The following RASGEF1C variants were observed in gnomAD, a reference collection of about 807,000 sequenced individuals.
RASGEF1C encodes RasGEF domain family member 1C, also known as ras-GEF domain-containing family member 1C.
A neutral mutation model predicts 58.1 loss-of-function variants in RASGEF1C; 27 were observed. The ratio of observed to expected loss-of-function variants is 0.46; its 90% CI spans 0.34 to 0.64. The LOEUF (loss-of-function observed/expected upper bound fraction) is 0.64, where lower values mean the gene tolerates loss of function less well. RASGEF1C is among the 30% of genes least tolerant of loss of function. RASGEF1C has a pLI of 0.01. For missense variants in RASGEF1C, 502 were observed against 605.1 expected (o/e 0.83, Z 1.79); for synonymous variants, 243 against 246.3 (o/e 0.99, Z 0.13).
intron 1 of RASGEF1C, among the ~76,000 whole-genome samples, chr5:180,178,719 A>G (rs1767271362): frequency 6.6e-6 from 1 of 152,012 alleles, no homozygotes; most frequent in Non-Finnish European, 1.5e-5. Flanking sequence ...GGCTTTCATC[A>G]CCGGCTTTCC....
intron 12 of RASGEF1C, among the ~76,000 whole-genome samples, chr5:180,108,338 A>G (rs1765902607): frequency 6.6e-6 from 1 of 151,430 alleles, no homozygotes. Context: ...AGTAGTTGGG[A>G]CTACAGGTGC....
chr5:180,185,124 C>T (rs1294227352), intron 1 of RASGEF1C, among the ~76,000 whole-genome samples: 1 of 151,850 alleles, frequency 6.6e-6, no homozygotes, highest in Admixed American at 6.6e-5. Context: ...AACCCCATCT[C>T]TACTAAAAAT....
chr5:180,106,440 G>C (rs4700869), intron 12 of RASGEF1C, among the ~76,000 whole-genome samples: 120,795 of 151,994 alleles, frequency 0.79, 48,091 homozygotes, highest in South Asian at 0.93. Context: ...GATTTCCTCT[G>C]AGTCCTGCTT....
rs756098873 is a variant in RASGEF1C at position 180,102,125 on chromosome 5, T to C, written c.1322A>G (p.Tyr441Cys). 6.3e-7 allele frequency: 1 copy of C among 1,586,554 alleles called. No homozygotes were observed. The highest frequency in any genetic ancestry group is 1.1e-5 in the South Asian group (1 of 90,350). The change falls in exon 13 of 14, where the codon TAC becomes TGC. Residue 441 changes from tyrosine to cysteine, a missense_variant. Coordinates refer to ENST00000361132, the MANE Select transcript of RASGEF1C (RefSeq NM_175062.4). ...FSEDGLYLASYESESPENQTE... is the reference protein window; with the variant it reads ...FSEDGLYLASCESESPENQTE... ...TTGGTTCTCTGGGCTCTCACTTTCG[T>C]AAGAAGCCAAATAAAGACCTAGACA...
intron 10 of RASGEF1C, among the ~76,000 whole-genome samples, chr5:180,118,331 G>T (rs912452198): frequency 6.6e-6 from 1 of 151,240 alleles, no homozygotes; most frequent in African/African-American, 2.5e-5. Context: ...AGCAGAAGAC[G>T]AAGTGGCCTC....
intron 1 of RASGEF1C, among the ~76,000 whole-genome samples, chr5:180,199,775 C>T (rs555300413): frequency 6.7e-6 from 1 of 149,926 alleles, no homozygotes; most frequent in Non-Finnish European, 1.5e-5. Flanking sequence ...AGCGATTCTC[C>T]CACCACAGCC....
intron 1 of RASGEF1C, among the ~76,000 whole-genome samples, chr5:180,188,418 C>T (rs1023134648): frequency 6.6e-6 from 1 of 152,138 alleles, no homozygotes; most frequent in Non-Finnish European, 1.5e-5. Flanking sequence ...AGTTACAGAA[C>T]CTTTGCAATT....
At chr5:180,174,486 G>GCA (rs1767180656) in intron 1 of RASGEF1C, among the ~76,000 whole-genome samples, 1 of 102,562 alleles carries the variant, frequency 9.8e-6, no homozygotes, top group Non-Finnish European at 2.0e-5. Flanking sequence ...GTGTCTGTGT[G>GCA]TGCGCGTGTG....
intron 1 of RASGEF1C, among the ~76,000 whole-genome samples, chr5:180,144,193 A>G (rs1385633410): frequency 6.6e-6 from 1 of 152,180 alleles, no homozygotes; most frequent in Admixed American, 6.5e-5. Context: ...GTGTGTGCCA[A>G]AAAGACTTGC....
intron 11 of RASGEF1C, among the ~76,000 whole-genome samples, chr5:180,113,710 A>C (rs1187502215): frequency 1.5e-5 from 2 of 135,694 alleles, no homozygotes; most frequent in South Asian, 2.5e-4. Context: ...GGGATCGGGG[A>C]TGGATGGAGG....
At chr5:180,170,110 C>G (rs916779389) in intron 1 of RASGEF1C, among the ~76,000 whole-genome samples, 1 of 152,246 alleles carries the variant, frequency 6.6e-6, no homozygotes, top group Non-Finnish European at 1.5e-5. Context: ...CTTGCCTGTT[C>G]CTGCTCGCGG....
At chr5:180,134,785 C>T (rs1766439588) in intron 4 of RASGEF1C, among the ~76,000 whole-genome samples, 1 of 148,408 alleles carries the variant, frequency 6.7e-6, no homozygotes, top group Non-Finnish European at 1.5e-5. Flanking sequence ...GACCCCCAAC[C>T]CCCCAACAGA....
chr5:180,136,721 T>C (rs1010279020), intron 3 of RASGEF1C: 4 of 581,002 alleles, frequency 6.9e-6, no homozygotes, highest in Non-Finnish European at 1.2e-5. Flanking sequence ...GGGCCATCTC[T>C]TGCTCTGGCC....
chr5:180,113,144 TGGAGGGATCTGGGCTGGAC>T (rs1165056210), intron 11 of RASGEF1C, among the ~76,000 whole-genome samples: 2 of 37,020 alleles, frequency 5.4e-5, no homozygotes, highest in African/African-American at 1.1e-4. Context: ...CGAGGATGGA[TGGAGGGATCTGGGCTGGAC>T]GGAGGGACCG....
In RASGEF1C at chr5:180,170,093, G is replaced by A. The variant is rs368451616; in HGVS notation, c.-6-32035C>T. 5.3e-5 allele frequency among the ~76,000 whole-genome samples: 8 copies of A among 152,334 alleles called. No individual in the cohort carries two copies. In the East Asian group the frequency reaches 7.7e-4, roughly 15 times the overall value. On this transcript the variant is annotated intron_variant, in intron 1 of 13. Transcript: ENST00000361132. Reference sequence around the variant, plus strand: ...CCCAGGGACTGGGAGCTCCACTGGGGCACCACCTTGCCTGTTCCTGCTCGC... The same window carrying A: ...CCCAGGGACTGGGAGCTCCACTGGGACACCACCTTGCCTGTTCCTGCTCGC...
chr5:180,167,417 G>A (rs1581116720), intron 1 of RASGEF1C, among the ~76,000 whole-genome samples: 1 of 152,092 alleles, frequency 6.6e-6, no homozygotes, highest in South Asian at 2.1e-4. Context: ...TTGAACCTTG[G>A]AGGCGGAGGC....
At chr5:180,163,062 T>C (rs1245326234) in intron 1 of RASGEF1C, among the ~76,000 whole-genome samples, 2 of 152,104 alleles carry the variant, frequency 1.3e-5, no homozygotes, top group Non-Finnish European at 2.9e-5. Context: ...AGAAATACAA[T>C]TGATTGTTGA....
chr5:180,121,092 G>C lies in RASGEF1C; in HGVS notation c.772C>G (p.Leu258Val). The part of the protein sequence containing the change: ...LEAYVKWFNR[L>V]CYLVATEICM... ...ATCTCAGTTGCCACCAGGTAGCACA[G>C]CCTGTTGAACCATTTCACATAAGCC... The change falls in exon 7 of 14, where the codon CTG (leucine) becomes GTG (valine). Residue 258 changes from leucine to valine, a missense_variant. Coordinates refer to ENST00000361132, the MANE Select transcript of RASGEF1C (RefSeq NM_175062.4). The C allele has an allele frequency of 6.2e-7, 1 of 1,614,076 alleles. No homozygotes were observed. The highest frequency in any genetic ancestry group is 8.5e-7 in the Non-Finnish European group (1 of 1,179,946).
Position 180,177,436 on chromosome 5 carries a change from G to A in RASGEF1C, c.-7+31592C>T, listed in dbSNP as rs10074266. On this transcript the variant is annotated intron_variant, in intron 1 of 13. Coordinates refer to ENST00000361132, the MANE Select transcript of RASGEF1C (RefSeq NM_175062.4). The surrounding 1 kb of genome is among the most constrained non-coding windows in gnomAD (Gnocchi z 5.0). ...AGTGCCTGCGCAATCTGCCCGGCTGGGCCGCAGCAGTCCACGGGCAGGGCA... is the reference window on the plus strand; with the variant it reads ...AGTGCCTGCGCAATCTGCCCGGCTGAGCCGCAGCAGTCCACGGGCAGGGCA... Among the ~76,000 whole-genome samples the A allele has an allele frequency of 0.031, 4,670 of 152,302 alleles. 240 individuals are homozygous for A. Among genetic ancestry groups the A allele is most frequent in the African/African-American group, 0.11 (4,450 of 41,562 alleles).
Sources: gnomAD v4.1 joint callset for allele counts (sites outside exome capture counted in the v4.1 genomes callset) on GRCh38, gnomAD v4.1.1 for gene constraint, Gnocchi (gnomAD v3.1) non-coding constraint, MANE v1.5 for transcripts, NCBI Gene and HGNC (gene_info 2026-07-23, HGNC 2026-07-21) for gene names.